PIPOX: variants seen among roughly 807,000 people sequenced by gnomAD.
The protein encoded by PIPOX is peroxisomal sarcosine oxidase.
Under a neutral mutation model 47.9 loss-of-function variants are expected in PIPOX, and 45 were observed. The ratio of observed to expected loss-of-function variants is 0.94; its 90% confidence interval spans 0.74 to 1.20. The LOEUF (loss-of-function observed/expected upper bound fraction) is 1.20. PIPOX is among the 50% of genes most tolerant of loss of function. PIPOX has a pLI of 0.00. For synonymous variants in PIPOX, 165 were observed against 191.3 expected (o/e 0.86, Z 1.13); for missense variants, 458 against 498.4 (o/e 0.92, Z 0.77).
intron 7 of PIPOX, 80 bp downstream of exon 7, chr17:29,055,968 T>A: frequency 7.2e-7 from 1 of 1,388,496 alleles, no homozygotes; most frequent in Non-Finnish European, 1.0e-6. Context: ...TTCCACACTC[T>A]TAGCTGCCCA....
At position 29,043,259 on chromosome 17, in the gene PIPOX, G is replaced by A. The variant is rs774945297; in HGVS notation, c.34G>A (p.Val12Met). Reference sequence around the variant, plus strand: ...TCAGAAAGATCTCTGGGACGCCATTGTGATTGGGGCGGGGATCCAGGGCTG... The same window carrying A: ...TCAGAAAGATCTCTGGGACGCCATTATGATTGGGGCGGGGATCCAGGGCTG... The part of the protein sequence containing the change: ...AAQKDLWDAI[V>M]IGAGIQGCFT... The change falls in exon 1 of 8, where the codon GTG becomes ATG. Residue 12 changes from valine (V) to methionine (M), a missense_variant. By Grantham distance (21) the Val-to-Met change is conservative. Coordinates refer to ENST00000323372, the MANE Select transcript of PIPOX (RefSeq NM_016518.3). 6 of 1,613,532 alleles carry A rather than the reference G, an allele frequency of 3.7e-6. No individual in the cohort carries two copies. The highest frequency in any genetic ancestry group is 3.3e-5 in the Admixed American group (2 of 59,968).
Position 29,043,229 on chromosome 17 carries a change from GC to G in PIPOX, c.5del (p.Ala2GlyfsTer11). 6.2e-7 allele frequency: 1 copy of G among 1,611,118 alleles called. No homozygotes were observed. The highest frequency in any genetic ancestry group is 1.3e-5 in the African/African-American group (1 of 74,950). On this transcript the variant is annotated frameshift_variant, in exon 1 of 8. Transcript: ENST00000323372. LOFTEE classifies it high-confidence loss of function. The part of the protein sequence containing the change: M[A>X]AQKDLWDAIV... ...GGCTGTGGGGCTGAGTGGCATCATGGCGGCTCAGAAAGATCTCTGGGACGCC... is the reference window on the plus strand; with the variant it reads ...GGCTGTGGGGCTGAGTGGCATCATGGGGCTCAGAAAGATCTCTGGGACGCC...
rs1369076301 is a variant in PIPOX at position 29,043,177 on chromosome 17, T to A, written c.-49T>A. On this transcript the variant is annotated 5_prime_UTR_variant, in exon 1 of 8. Transcript: ENST00000323372. ...CGTCCTTTAGCCGGGAGCCTGTCTT[T>A]GCTTGCCTTTGCCTTTGAGGCTCTG... 1 of 1,444,336 alleles carries A rather than the reference T, an allele frequency of 6.9e-7. No individual in the cohort carries two copies. The highest frequency in any genetic ancestry group is 1.2e-5 in the South Asian group (1 of 85,108). The allele number at this position is 1,444,336 out of a possible 1,614,324, so 89.5% of individuals were successfully genotyped here.
intron 1 of PIPOX, 30 bp downstream of exon 1, chr17:29,043,369 T>TA (rs1173349045): frequency 6.6e-7 from 1 of 1,511,862 alleles, no homozygotes; most frequent in East Asian, 2.3e-5. Context: ...CCCCCAGCTG[T>TA]AAGGACTGTC....
At chr17:29,047,509 T>TA (rs11424309) in intron 2 of PIPOX, among the ~76,000 whole-genome samples, 3,129 of 152,310 alleles carry the variant, frequency 0.021, 97 homozygotes, top group African/African-American at 0.071. Flanking sequence ...ACGTAGTAAG[T>TA]ATCTTAGCCT....
chr17:29,043,221 G>C lies in PIPOX; in HGVS notation c.-5G>C, dbSNP rs754620386. The C allele has an allele frequency of 2.5e-6, 4 of 1,607,088 alleles. No homozygotes were observed. The Admixed American group carries it at 6.7e-5, about 27-fold the overall frequency. On this transcript the variant is annotated 5_prime_UTR_variant, in exon 1 of 8. Coordinates refer to ENST00000323372, the MANE Select transcript of PIPOX (RefSeq NM_016518.3). ...GGCTCTGTGGCTGTGGGGCTGAGTG[G>C]CATCATGGCGGCTCAGAAAGATCTC...
Position 29,056,289 on chromosome 17 carries a change from GCAAAGCCCACCTTTGACCTCTGGC to G in PIPOX, c.1160_*10del, listed in dbSNP as rs2065828015. 1.2e-6 allele frequency: 2 copies of G among 1,614,208 alleles called. No homozygotes were observed. The highest frequency in any genetic ancestry group is 1.7e-6 in the Non-Finnish European group (2 of 1,180,038). On this transcript the variant is annotated stop_lost and 3_prime_UTR_variant, in exon 8 of 8. Coordinates refer to ENST00000323372, the MANE Select transcript of PIPOX (RefSeq NM_016518.3). Reference sequence around the variant, plus strand: ...CGAATCAGCCGTTTCCCAAGCCTGGGCAAAGCCCACCTTTGACCTCTGGCCAGAAGCCTCCCTTCTGTGCACAGG... The same window carrying G: ...CGAATCAGCCGTTTCCCAAGCCTGGGCAGAAGCCTCCCTTCTGTGCACAGG...
At chr17:29,045,078 C>T (rs991321174) in intron 2 of PIPOX, 71 bp downstream of exon 2, 10 of 1,474,960 alleles carry the variant, frequency 6.8e-6, no homozygotes, top group Non-Finnish European at 7.3e-6. Flanking sequence ...TGTGAAGTGG[C>T]AGCGCCATGG....
In PIPOX at chr17:29,056,325, C is replaced by T. The variant is rs747998923; in HGVS notation, c.*20C>T. 2 of 1,614,078 alleles carry T rather than the reference C, an allele frequency of 1.2e-6. No homozygotes were observed. Among genetic ancestry groups the T allele is most frequent in the Admixed American group, 1.7e-5 (1 of 60,010 alleles). Reference sequence around the variant, plus strand: ...CTTTGACCTCTGGCCAGAAGCCTCCCTTCTGTGCACAGGAGCCAGTTTCAC... The same window carrying T: ...CTTTGACCTCTGGCCAGAAGCCTCCTTTCTGTGCACAGGAGCCAGTTTCAC... On this transcript the variant is annotated 3_prime_UTR_variant, in exon 8 of 8. Coordinates refer to ENST00000323372, the MANE Select transcript of PIPOX (RefSeq NM_016518.3).
Position 29,045,024 on chromosome 17 carries a change from A to G in PIPOX, c.263+17A>G, listed in dbSNP as rs2065779990. On this transcript the variant is annotated intron_variant, in intron 2 of 7. Coordinates refer to ENST00000323372, the MANE Select transcript of PIPOX (RefSeq NM_016518.3). ...ATTGCACAGGTGGGCTGTGGGAGGAATTCCTTGAATCGTGGGGCTCTGCAC... is the reference window on the plus strand; with the variant it reads ...ATTGCACAGGTGGGCTGTGGGAGGAGTTCCTTGAATCGTGGGGCTCTGCAC... The G allele has an allele frequency of 6.3e-7, 1 of 1,577,816 alleles. No individual in the cohort carries two copies. Among genetic ancestry groups the G allele is most frequent in the South Asian group, 1.2e-5 (1 of 86,602 alleles).
chr17:29,056,076 C>A, intron 7 of PIPOX, 99 bp from the exon 8 acceptor site: 2 of 1,498,368 alleles, frequency 1.3e-6, no homozygotes, highest in Non-Finnish European at 9.2e-7. Flanking sequence ...TGGGATGTGA[C>A]CAGGAGGACA....
chr17:29,054,637 G>A lies in PIPOX; in HGVS notation c.753G>A (p.Leu251=), dbSNP rs766710252. 2.5e-6 allele frequency: 4 copies of A among 1,614,176 alleles called. No homozygotes were observed. Among genetic ancestry groups the A allele is most frequent in the Non-Finnish European group, 3.4e-6 (4 of 1,180,018 alleles). ...QAFPCFLWLG[L]CPHHIYGLPT... ...TTCCGTGCTTCCTGTGGCTGGGCTTGTGTCCCCACCACATCTACGGACTGC... is the reference window on the plus strand; with the variant it reads ...TTCCGTGCTTCCTGTGGCTGGGCTTATGTCCCCACCACATCTACGGACTGC... The change falls in exon 5 of 8, where the codon TTG becomes TTA. Residue 251 remains leucine (L), a synonymous_variant. Transcript: ENST00000323372.
Position 29,044,864 on chromosome 17 carries a change from T to C in PIPOX, c.120T>C (p.Phe40=), listed in dbSNP as rs1428150561. Residue 40 remains phenylalanine (F), a synonymous_variant, in exon 2 of 8, where the codon TTT becomes TTC. Transcript: ENST00000323372. ...CTCTTGTTTTCCACTTCCAGTTCTT[T>C]CTACCACACTCCCGAGGAAGCTCCC... ...RKRILLLEQF[F]LPHSRGSSHG... is the part of the protein sequence containing the mutation. 1 of 1,611,250 alleles carries C rather than the reference T, an allele frequency of 6.2e-7. No homozygotes were observed. The highest frequency in any genetic ancestry group is 8.5e-7 in the Non-Finnish European group (1 of 1,178,732).
rs1388122107 is a variant in PIPOX at position 29,053,179 on chromosome 17, G to A, written c.477+46G>A. Reference sequence around the variant, plus strand: ...GGCGATGCAGGTGCTCCCTGCTCTGGGTGTCCTGGGTCCCAAGCAGCCAGC... The same window carrying A: ...GGCGATGCAGGTGCTCCCTGCTCTGAGTGTCCTGGGTCCCAAGCAGCCAGC... On this transcript the variant is annotated intron_variant, in intron 3 of 7. Transcript: ENST00000323372. The A allele has an allele frequency of 3.2e-6, 5 of 1,557,180 alleles. No individual in the cohort carries two copies. In the African/African-American group the frequency reaches 6.8e-5, roughly 21 times the overall value.
chr17:29,056,086 A>T, intron 7 of PIPOX, 89 bp from the exon 8 acceptor site: 2 of 1,533,944 alleles, frequency 1.3e-6, no homozygotes, highest in Non-Finnish European at 1.8e-6. Context: ...CCAGGAGGAC[A>T]GTCAGCCCTG....
intron 2 of PIPOX, chr17:29,046,577 C>T (rs1050102473): frequency 3.0e-6 from 3 of 985,188 alleles, no homozygotes; most frequent in Admixed American, 1.2e-4. Flanking sequence ...CCCTTATTGA[C>T]CCATTCTGGG....
rs148260438 is a variant in PIPOX at position 29,052,812 on chromosome 17, A to G, written c.264-108A>G. The G allele has an allele frequency of 1.2e-3, 1,105 of 908,032 alleles. 13 individuals carry two copies. In the African/African-American group the frequency reaches 0.015, roughly 12 times the overall value. The allele number at this position is 908,032 out of a possible 1,614,324, so 56.2% of individuals were successfully genotyped here. A position where few individuals can be genotyped will look rare whatever the true frequency, so the allele number is the denominator to read the frequency against. On this transcript the variant is annotated intron_variant, in intron 2 of 7. Coordinates refer to ENST00000323372, the MANE Select transcript of PIPOX (RefSeq NM_016518.3). ...GTGAACAAATTAGTGGCCTCAAGTC[A>G]TCCTCCTGCCTCAGCCTCCTGAAGT...
chr17:29,053,226 G>C, intron 3 of PIPOX, 93 bp downstream of exon 3: 1 of 1,336,790 alleles, frequency 7.5e-7, no homozygotes, highest in Non-Finnish European at 1.1e-6. Flanking sequence ...CTCTGGATGA[G>C]GCCTTTGCCC....
At chr17:29,045,897 C>A (rs1283261381) in intron 2 of PIPOX, among the ~76,000 whole-genome samples, 1 of 152,172 alleles carries the variant, frequency 6.6e-6, no homozygotes, top group Non-Finnish European at 1.5e-5. Context: ...GCCTTCATGG[C>A]TCTCTCCAAC....
Sources: allele counts gnomAD v4.1 joint callset (sites outside exome capture counted in the v4.1 genomes callset), GRCh38; gene constraint gnomAD v4.1.1; transcripts MANE v1.5; gene names NCBI Gene and HGNC (gene_info 2026-07-23, HGNC 2026-07-21).